Variants in USP29 observed in about 807,000 individuals in gnomAD.
The protein encoded by USP29 is ubiquitin specific peptidase 29.
For missense variants in USP29, 1,102 were observed against 1,069.0 expected (o/e 1.03, Z -0.43); for synonymous variants, 386 against 387.4 (o/e 1.00, Z 0.04).
Position 57,129,119 on chromosome 19 carries a change from G to T in USP29, c.444G>T (p.Leu148Phe). Reference protein sequence around the residue: ...CNKPSYQKMPLFMSKSPTHVK... With the variant: ...CNKPSYQKMPFFMSKSPTHVK... ...AGCCAAGTTATCAGAAGATGCCTTT[G>T]TTTATGTCAAAATCACCAACACATG... The change falls in exon 4 of 4, where the codon TTG becomes TTT. Residue 148 changes from leucine to phenylalanine, a missense_variant. Transcript: ENST00000254181. The T allele has an allele frequency of 1.2e-6, 2 of 1,612,846 alleles. No homozygotes were observed. Among genetic ancestry groups the T allele is most frequent in the South Asian group, 2.2e-5 (2 of 90,600 alleles).
upstream of USP29, among the ~76,000 whole-genome samples, chr19:57,119,427 TTTG>T (rs1469792148): frequency 6.6e-6 from 1 of 152,118 alleles, no homozygotes; most frequent in African/African-American, 2.4e-5. Context: ...TTTTGGGGGT[TTTG>T]TTGTTGTTTT....
At position 57,129,265 on chromosome 19, in the gene USP29, C is replaced by G; in HGVS notation, c.590C>G (p.Thr197Arg). 1 of 1,613,168 alleles carries G rather than the reference C, an allele frequency of 6.2e-7. No homozygotes were observed. Among genetic ancestry groups the G allele is most frequent in the Non-Finnish European group, 8.5e-7 (1 of 1,179,812 alleles). ...DNPVPNKKYK[T>R]DSLKYIQSNR... ...CCTGTACCAAACAAGAAATATAAGACAGATTCCTTGAAATATATACAAAGC... is the reference window on the plus strand; with the variant it reads ...CCTGTACCAAACAAGAAATATAAGAGAGATTCCTTGAAATATATACAAAGC... The change falls in exon 4 of 4, where the codon ACA becomes AGA. Residue 197 changes from threonine (T) to arginine (R), a missense_variant. Thr to Arg is a moderately conservative substitution (Grantham distance 71, BLOSUM62 -1). Coordinates refer to ENST00000254181, the MANE Select transcript of USP29 (RefSeq NM_020903.3).
At position 57,130,417 on chromosome 19, in the gene USP29, T is replaced by C. The variant is rs191677517; in HGVS notation, c.1742T>C (p.Met581Thr). 63 of 1,614,182 alleles carry C rather than the reference T, an allele frequency of 3.9e-5. No homozygotes were observed. The East Asian group carries it at 1.3e-3, about 33-fold the overall frequency. Reference sequence around the variant, plus strand: ...ATCAACAGCCCATTGACACCATCAATGAAGCTGACCTCAGAATCCAGTGAT... The same window carrying C: ...ATCAACAGCCCATTGACACCATCAACGAAGCTGACCTCAGAATCCAGTGAT... ...SEINSPLTPS[M>T]KLTSESSDSL... Residue 581 changes from methionine to threonine, a missense_variant, in exon 4 of 4, where the codon ATG becomes ACG. By Grantham distance (81) the Met-to-Thr change is moderately conservative (BLOSUM62 -1). Coordinates refer to ENST00000254181, the MANE Select transcript of USP29 (RefSeq NM_020903.3).
intron 3 of USP29, among the ~76,000 whole-genome samples, chr19:57,127,781 G>A (rs2086831193): frequency 6.6e-6 from 1 of 152,120 alleles, no homozygotes; most frequent in African/African-American, 2.4e-5. Flanking sequence ...TTCCAGGGGA[G>A]TGAATGGTTC....
Position 57,130,948 on chromosome 19 carries a change from T to C in USP29, c.2273T>C (p.Leu758Pro). 1 of 1,614,156 alleles carries C rather than the reference T, an allele frequency of 6.2e-7. No individual in the cohort carries two copies. The highest frequency in any genetic ancestry group is 1.1e-5 in the South Asian group (1 of 91,086). The change falls in exon 4 of 4, where the codon CTG becomes CCG. Residue 758 changes from leucine (L) to proline (P), a missense_variant. Leu to Pro is a moderately conservative substitution (Grantham distance 98). Coordinates refer to ENST00000254181, the MANE Select transcript of USP29 (RefSeq NM_020903.3). ...QQAPPPGVRK[L>P]DAQEHTEETL... Reference sequence around the variant, plus strand: ...GCACCACCTCCAGGTGTTAGGAAGCTGGATGCCCAGGAACATACAGAAGAG... The same window carrying C: ...GCACCACCTCCAGGTGTTAGGAAGCCGGATGCCCAGGAACATACAGAAGAG...
chr19:57,125,787 G>A (rs1002115047), intron 3 of USP29, among the ~76,000 whole-genome samples: 48 of 152,232 alleles, frequency 3.2e-4, no homozygotes, highest in African/African-American at 1.1e-3. Context: ...GTTGTTACGT[G>A]TGAATTTGAT....
chr19:57,123,876 T>C (rs1246195817), intron 2 of USP29, among the ~76,000 whole-genome samples, 163 bp from the exon 3 acceptor site: 2 of 152,196 alleles, frequency 1.3e-5, no homozygotes, highest in Admixed American at 1.3e-4. Context: ...CACAGGAGGT[T>C]TTCTCCCAGA....
intron 2 of USP29, among the ~76,000 whole-genome samples, chr19:57,123,365 C>T (rs112942965): frequency 6.6e-6 from 1 of 152,150 alleles, no homozygotes; most frequent in African/African-American, 2.4e-5. Context: ...TATGAGGCAT[C>T]CCTGTAGTTT....
At chr19:57,121,976 GATA>G in intron 1 of USP29, among the ~76,000 whole-genome samples, 1 of 134,056 alleles carries the variant, frequency 7.5e-6, no homozygotes. Flanking sequence ...TAGATAGATA[GATA>G]CATAGAACAT....
rs538115116 is a variant in USP29 at position 57,124,758 on chromosome 19, C to A, written c.-17+619C>A. 3.9e-5 allele frequency among the ~76,000 whole-genome samples: 6 copies of A among 152,280 alleles called. No homozygotes were observed. The East Asian group carries it at 1.2e-3, about 29-fold the overall frequency. On this transcript the variant is annotated intron_variant, in intron 3 of 3. Transcript: ENST00000254181. ...TCCTGACCTCAGGTGATCCACCTGCCTCAGCCTCCCAAAGTGCTGGGATTA... is the reference window on the plus strand; with the variant it reads ...TCCTGACCTCAGGTGATCCACCTGCATCAGCCTCCCAAAGTGCTGGGATTA...
Position 57,130,418 on chromosome 19 carries a change from G to C in USP29, c.1743G>C (p.Met581Ile). The C allele has an allele frequency of 6.2e-7, 1 of 1,614,216 alleles. No homozygotes were observed. The highest frequency in any genetic ancestry group is 8.5e-7 in the Non-Finnish European group (1 of 1,180,044). Residue 581 changes from methionine (M) to isoleucine (I), a missense_variant, in exon 4 of 4, where the codon ATG becomes ATC. Transcript: ENST00000254181. ...TCAACAGCCCATTGACACCATCAAT[G>C]AAGCTGACCTCAGAATCCAGTGATT... ...SEINSPLTPS[M>I]KLTSESSDSL...
In USP29 at chr19:57,129,553, C is replaced by T; in HGVS notation, c.878C>T (p.Thr293Ile). The T allele has an allele frequency of 6.2e-7, 1 of 1,614,158 alleles. No individual in the cohort carries two copies. The highest frequency in any genetic ancestry group is 2.2e-5 in the East Asian group (1 of 44,878). ...LQQGFPNLGNTCYMNAVLQSL... is the reference protein window; with the variant it reads ...LQQGFPNLGNICYMNAVLQSL... Reference sequence around the variant, plus strand: ...CAGGGGTTCCCCAATTTGGGAAACACCTGTTACATGAATGCAGTTTTACAA... The same window carrying T: ...CAGGGGTTCCCCAATTTGGGAAACATCTGTTACATGAATGCAGTTTTACAA... Residue 293 changes from threonine (T) to isoleucine (I), a missense_variant, in exon 4 of 4, where the codon ACC becomes ATC. Coordinates refer to ENST00000254181, the MANE Select transcript of USP29 (RefSeq NM_020903.3).
chr19:57,125,930 C>G (rs920966562), intron 3 of USP29, among the ~76,000 whole-genome samples: 27 of 152,202 alleles, frequency 1.8e-4, no homozygotes, highest in African/African-American at 6.0e-4. Flanking sequence ...TTAGTGCTTC[C>G]TCCAGGAGCT....
In USP29 at chr19:57,129,442, C is replaced by T. The variant is rs2086842482; in HGVS notation, c.767C>T (p.Ser256Phe). The T allele has an allele frequency of 6.2e-7, 1 of 1,614,090 alleles. No homozygotes were observed. Among genetic ancestry groups the T allele is most frequent in the Admixed American group, 1.7e-5 (1 of 60,002 alleles). The part of the protein sequence containing the change: ...QTLNAKNGLT[S>F]PLEPEHSQGD... ...CTCAATGCCAAAAATGGTTTGACAT[C>T]TCCATTGGAACCAGAGCACAGCCAG... Residue 256 changes from serine to phenylalanine, a missense_variant, in exon 4 of 4, where the codon TCT (serine) becomes TTT (phenylalanine). By Grantham distance (155) the Ser-to-Phe change is radical. Transcript: ENST00000254181.
intron 1 of USP29, among the ~76,000 whole-genome samples, chr19:57,121,366 T>TTATATACTTATATATGTTA (rs1473545379): frequency 6.9e-6 from 1 of 145,816 alleles, no homozygotes; most frequent in Non-Finnish European, 1.5e-5. Flanking sequence ...TCTACTTATG[T>TTATATACTTATATATGTTA]TATATACTTA....
chr19:57,125,702 C>G (rs2086820327), intron 3 of USP29, among the ~76,000 whole-genome samples: 1 of 151,618 alleles, frequency 6.6e-6, no homozygotes, highest in Non-Finnish European at 1.5e-5. Flanking sequence ...ATCAATGGGT[C>G]TTGACTCTTT....
At chr19:57,120,688 G>A (rs1435915254) in intron 1 of USP29, among the ~76,000 whole-genome samples, 1 of 146,152 alleles carries the variant, frequency 6.8e-6, no homozygotes, top group Non-Finnish European at 1.5e-5. Context: ...TGGGGAGGCT[G>A]AGGCAGGAGA....
chr19:57,129,506 C>T lies in USP29; in HGVS notation c.831C>T (p.Asp277=), dbSNP rs1368860319. 4 of 1,614,096 alleles carry T rather than the reference C, an allele frequency of 2.5e-6. No individual in the cohort carries two copies. The highest frequency in any genetic ancestry group is 2.2e-5 in the South Asian group (2 of 91,084). The part of the protein sequence containing the change: ...PRCNKAQVPL[D]SHSQQLQQGF... ...GCAACAAAGCCCAGGTGCCTCTTGACTCTCATTCACAGCAACTGCAGCAGG... is the reference window on the plus strand; with the variant it reads ...GCAACAAAGCCCAGGTGCCTCTTGATTCTCATTCACAGCAACTGCAGCAGG... Residue 277 remains aspartate (D), a synonymous_variant, in exon 4 of 4, where the codon GAC becomes GAT. Transcript: ENST00000254181.
intron 3 of USP29, among the ~76,000 whole-genome samples, chr19:57,127,407 G>A (rs1265400529): frequency 6.6e-6 from 1 of 152,204 alleles, no homozygotes; most frequent in Non-Finnish European, 1.5e-5. Context: ...CAGGTGCTCT[G>A]TCCCAGGGAG....
Sources: gnomAD v4.1 joint callset for allele counts (sites outside exome capture counted in the v4.1 genomes callset) on GRCh38, gnomAD v4.1.1 for gene constraint, MANE v1.5 for transcripts, NCBI Gene and HGNC (gene_info 2026-07-23, HGNC 2026-07-21) for gene names.